The following LCMT2 variants were observed in gnomAD, a reference collection of about 807,000 sequenced individuals.
LCMT2 encodes leucine carboxyl methyltransferase 2, also known as tRNA wybutosine-synthesizing protein 4.
In LCMT2, 34 loss-of-function variants were observed where a neutral mutation model predicts 42.0. The observed-to-expected ratio is 0.81, with a 90% confidence interval of 0.62 to 1.08. The LOEUF (loss-of-function observed/expected upper bound fraction) is 1.08, where lower values mean the gene tolerates loss of function less well. LCMT2 is among the 50% of genes least tolerant of loss of function. LCMT2 has a pLI of 0.00. For missense variants in LCMT2, 1,091 were observed against 889.4 expected, an observed-to-expected ratio of 1.23 and a Z score of -2.88; for synonymous variants, 445 against 369.5, an observed-to-expected ratio of 1.20 and a Z score of -2.34.
At position 43,326,977 on chromosome 15, in the gene LCMT2, A is replaced by G. The variant is rs193300339; in HGVS notation, c.*1452T>C. On this transcript the variant is annotated 3_prime_UTR_variant, in exon 1 of 1. Transcript: ENST00000305641. ...CTAAGAAGAAATACTAAAGTAATAC[A>G]CTTATTACCACCAAAGCCACTACAT... 29 of 152,358 alleles carry G rather than the reference A, an allele frequency of 1.9e-4. No individual in the cohort carries two copies. Among genetic ancestry groups the G allele is most frequent in the African/African-American group, 7.0e-4 (29 of 41,572 alleles). 9.4% of individuals were successfully genotyped at this position (152,358 alleles called of 1,614,324 possible). A position where few individuals can be genotyped will look rare whatever the true frequency, so the allele number is the denominator to read the frequency against.
chr15:43,325,426 A>G lies in LCMT2; in HGVS notation c.*3003T>C, dbSNP rs1019528891. On this transcript the variant is annotated 3_prime_UTR_variant, in exon 1 of 1. Transcript: ENST00000305641. The stretch of plus-strand genomic sequence containing the variant: ...TAGTCTATATTGAATGCTGCTCCAA[A>G]GGCACAGGGTAAATATTGCTGACAA... The G allele has an allele frequency of 6.6e-6, 1 of 152,232 alleles. No homozygotes were observed. The highest frequency in any genetic ancestry group is 2.4e-5 in the African/African-American group (1 of 41,460). 9.4% of individuals were successfully genotyped at this position (152,232 alleles called of 1,614,324 possible). A position where few individuals can be genotyped will look rare whatever the true frequency, so the allele number is the denominator to read the frequency against.
Position 43,324,269 on chromosome 15 carries a change from A to G in LCMT2, c.*4160T>C, listed in dbSNP as rs1392774123. 8 of 152,154 alleles carry G rather than the reference A, an allele frequency of 5.3e-5. No homozygotes were observed. Among genetic ancestry groups the G allele is most frequent in the Non-Finnish European group, 8.8e-5 (6 of 68,038 alleles). The allele number at this position is 152,154 out of a possible 1,614,324, so 9.4% of individuals were successfully genotyped here. ...CACCCCTTCCTTCATTACTGAAGTT[A>G]AAAGGCTTAATCTTAAAGTCAAACT... On this transcript the variant is annotated 3_prime_UTR_variant, in exon 1 of 1. Coordinates refer to ENST00000305641, the MANE Select transcript of LCMT2 (RefSeq NM_014793.5).
rs998190363 is a variant in LCMT2, at chr15:43,326,749, C to G, written c.*1680G>C. 1 of 152,184 alleles carries G rather than the reference C, an allele frequency of 6.6e-6. No homozygotes were observed. Among genetic ancestry groups the G allele is most frequent in the Non-Finnish European group, 1.5e-5 (1 of 68,040 alleles). 9.4% of individuals were successfully genotyped at this position (152,184 alleles called of 1,614,324 possible). ...CAACCCTCATTCAGCTGGTCTCCCC[C>G]GGGGAGGCTTCATCTAACAGAGCCA... is the stretch of plus-strand genomic sequence containing the variant. On this transcript the variant is annotated 3_prime_UTR_variant, in exon 1 of 1. Coordinates refer to ENST00000305641, the MANE Select transcript of LCMT2 (RefSeq NM_014793.5).
chr15:43,327,787 A>G lies in LCMT2; in HGVS notation c.*642T>C, dbSNP rs1001798952. The G allele has an allele frequency of 6.5e-6, 1 of 152,936 alleles. No individual in the cohort carries two copies. The highest frequency in any genetic ancestry group is 2.1e-4 in the South Asian group (1 of 4,864). 9.5% of individuals were successfully genotyped at this position (152,936 alleles called of 1,614,324 possible). A position where few individuals can be genotyped will look rare whatever the true frequency, so the allele number is the denominator to read the frequency against. On this transcript the variant is annotated 3_prime_UTR_variant, in exon 1 of 1. Coordinates refer to ENST00000305641, the MANE Select transcript of LCMT2 (RefSeq NM_014793.5). ...CCGTGCAAAATGAATTGAGGCATCA[A>G]AAGTTTGCTTTATTGACACTTATAA...
At position 43,329,223 on chromosome 15, in the gene LCMT2, T is replaced by C. The variant is rs773753275; in HGVS notation, c.1267A>G (p.Thr423Ala). The stretch of plus-strand genomic sequence containing the variant: ...AGAACCCGACTCTCTGAGAGTCTTG[T>C]CATGGTGTGATAAAGGCGTCCATCC... The part of the protein sequence containing the change: ...QWDGRLYHTM[T>A]RLSESRVLVL... The change falls in exon 1 of 1, where the codon ACA becomes GCA. Residue 423 changes from threonine to alanine, a missense_variant. Transcript: ENST00000305641. 6.2e-7 allele frequency: 1 copy of C among 1,614,002 alleles called. No homozygotes were observed. The highest frequency in any genetic ancestry group is 8.5e-7 in the Non-Finnish European group (1 of 1,180,028).
At position 43,329,918 on chromosome 15, in the gene LCMT2, A is replaced by G; in HGVS notation, c.572T>C (p.Leu191Pro). ...GGCACTCTCCGGCTCGAGGTAGGTC[A>G]GCACCGCCTCGGCCAGGAGCAGAGT... ...SPTLLLAEAVLTYLEPESAAA... is the reference protein window; with the variant it reads ...SPTLLLAEAVPTYLEPESAAA... The change falls in exon 1 of 1, where the codon CTG becomes CCG. Residue 191 changes from leucine to proline, a missense_variant. Physicochemically the swap from Leu to Pro is moderately conservative, Grantham distance 98. Coordinates refer to ENST00000305641, the MANE Select transcript of LCMT2 (RefSeq NM_014793.5). The G allele has an allele frequency of 6.2e-7, 1 of 1,612,942 alleles. No homozygotes were observed. Among genetic ancestry groups the G allele is most frequent in the Non-Finnish European group, 8.5e-7 (1 of 1,179,850 alleles).
Position 43,328,708 on chromosome 15 carries a change from G to C in LCMT2, c.1782C>G (p.Leu594=), listed in dbSNP as rs764921753. The C allele has an allele frequency of 6.2e-7, 1 of 1,614,024 alleles. No individual in the cohort carries two copies. Among genetic ancestry groups the C allele is most frequent in the Non-Finnish European group, 8.5e-7 (1 of 1,180,040 alleles). Residue 594 remains leucine, a synonymous_variant, in exon 1 of 1, where the codon CTC becomes CTG. Coordinates refer to ENST00000305641, the MANE Select transcript of LCMT2 (RefSeq NM_014793.5). The part of the protein sequence containing the change: ...TPRYSHTAHV[L]NGKLLLVGGI... The stretch of plus-strand genomic sequence containing the variant: ...CTCCAACCAGTAACAGCTTTCCATT[G>C]AGCACATGAGCTGTGTGGGAGTACC...
In LCMT2 at chr15:43,329,116, G is replaced by A. The variant is rs376403610; in HGVS notation, c.1374C>T (p.Asn458=). ...TTATTGTCACTTTCAGGTCCTCAGT[G>A]TTATTATCCTCACTCTTAAAAAAAT... ...QLHFFKSEDN[N]TEDLKVTITK... Residue 458 remains asparagine, a synonymous_variant, in exon 1 of 1, where the codon AAC becomes AAT. Transcript: ENST00000305641. 22 of 1,613,916 alleles carry A rather than the reference G, an allele frequency of 1.4e-5. No individual in the cohort carries two copies. Among genetic ancestry groups the A allele is most frequent in the Non-Finnish European group, 1.8e-5 (21 of 1,180,038 alleles).
In LCMT2 at chr15:43,330,024, A is replaced by C; in HGVS notation, c.466T>G (p.Cys156Gly). The C allele has an allele frequency of 6.2e-7, 1 of 1,612,680 alleles. No individual in the cohort carries two copies. Among genetic ancestry groups the C allele is most frequent in the Non-Finnish European group, 8.5e-7 (1 of 1,179,934 alleles). ...TGCCGCAAGTCCAGACCCAGGATGC[A>C]GTAGTCTGCGCTCTCAAAGCACAGC... is the stretch of plus-strand genomic sequence containing the variant. ...SALCFESADYCILGLDLRQLQ... is the reference protein window; with the variant it reads ...SALCFESADYGILGLDLRQLQ... Residue 156 changes from cysteine to glycine, a missense_variant, in exon 1 of 1, where the codon TGC becomes GGC. Cys to Gly is a radical substitution (Grantham distance 159). Transcript: ENST00000305641.
Position 43,329,197 on chromosome 15 carries a change from C to G in LCMT2, c.1293G>C (p.Leu431=), listed in dbSNP as rs1394121867. ...CTGGGGACAGTCTCCCTCCCAGAAC[C>G]AGAACCCGACTCTCTGAGAGTCTTG... The part of the protein sequence containing the change: ...TMTRLSESRV[L]VLGGRLSPVS... The change falls in exon 1 of 1, where the codon CTG becomes CTC. Residue 431 remains leucine, a synonymous_variant. Coordinates refer to ENST00000305641, the MANE Select transcript of LCMT2 (RefSeq NM_014793.5). 2 of 1,613,968 alleles carry G rather than the reference C, an allele frequency of 1.2e-6. No individual in the cohort carries two copies.
At position 43,328,512 on chromosome 15, in the gene LCMT2, C is replaced by G. The variant is rs1247920983; in HGVS notation, c.1978G>C (p.Gly660Arg). Residue 660 changes from glycine to arginine, a missense_variant, in exon 1 of 1, where the codon GGT (glycine) becomes CGT (arginine). Transcript: ENST00000305641. ...EEQQLLLLGG[G>R]GNCFSFGTYF... ...GTACCAAAGGAAAAGCAGTTCCCACCACCTCCAAGGAGCAGGAGCTGTTGC... is the reference window on the plus strand; with the variant it reads ...GTACCAAAGGAAAAGCAGTTCCCACGACCTCCAAGGAGCAGGAGCTGTTGC... 3 of 1,614,078 alleles carry G rather than the reference C, an allele frequency of 1.9e-6. No homozygotes were observed. Among genetic ancestry groups the G allele is most frequent in the Admixed American group, 1.7e-5 (1 of 60,008 alleles).
At position 43,330,158 on chromosome 15, in the gene LCMT2, C is replaced by T. The variant is rs1231689217; in HGVS notation, c.332G>A (p.Trp111Ter). 9 of 1,611,764 alleles carry T rather than the reference C, an allele frequency of 5.6e-6. No homozygotes were observed. Among genetic ancestry groups the T allele is most frequent in the Non-Finnish European group, 6.8e-6 (8 of 1,179,884 alleles). Residue 111 changes from tryptophan to a stop codon, truncating the protein, a stop_gained, in exon 1 of 1, where the codon TGG becomes TAG. Transcript: ENST00000305641. LOFTEE classifies it high-confidence loss of function. ...CGCCACGTCCGGAAAATCCACCTCCCAGACTGCAGCCCGGGCCAGGCGGCC... is the reference window on the plus strand; with the variant it reads ...CGCCACGTCCGGAAAATCCACCTCCTAGACTGCAGCCCGGGCCAGGCGGCC... ...TAGRLARAAVWEVDFPDVARR... is the reference protein window; with the variant it reads ...TAGRLARAAV
chr15:43,329,351 T>C lies in LCMT2; in HGVS notation c.1139A>G (p.Glu380Gly). 6.2e-7 allele frequency: 1 copy of C among 1,614,106 alleles called. No individual in the cohort carries two copies. Among genetic ancestry groups the C allele is most frequent in the Non-Finnish European group, 8.5e-7 (1 of 1,180,026 alleles). ...CTGGCTCACTCGGCAGTGCCGCCCC[T>C]CCTGCTCTCCAAATCCTCCTGCACT... ...ILSAGGFGEQ[E>G]GRHCRVSQFH... Residue 380 changes from glutamate to glycine, a missense_variant, in exon 1 of 1, where the codon GAG (glutamate) becomes GGG (glycine). By Grantham distance (98) the Glu-to-Gly change is moderately conservative. Transcript: ENST00000305641.
chr15:43,330,394 G>T lies in LCMT2; in HGVS notation c.96C>A (p.Tyr32Ter), dbSNP rs757427526. 1 of 1,578,152 alleles carries T rather than the reference G, an allele frequency of 6.3e-7. No individual in the cohort carries two copies. The highest frequency in any genetic ancestry group is 8.6e-7 in the Non-Finnish European group (1 of 1,168,688). ...GCAACGCGGCAAAGGGGTCCTGCAC[G>T]TACCCGCGCGCGGCCAGGGAACGCT... ...LSKRSLAARG[Y>*]VQDPFAALLV... is the part of the protein sequence containing the mutation. The change falls in exon 1 of 1, where the codon TAC becomes TAA. Residue 32 changes from tyrosine (Y) to a stop codon, truncating the protein, a stop_gained. Coordinates refer to ENST00000305641, the MANE Select transcript of LCMT2 (RefSeq NM_014793.5). LOFTEE classifies it low-confidence loss of function (END_TRUNC).
Position 43,328,917 on chromosome 15 carries a change from G to A in LCMT2, c.1573C>T (p.Pro525Ser). Residue 525 changes from proline to serine, a missense_variant, in exon 1 of 1, where the codon CCA becomes TCA. Pro to Ser is a moderately conservative substitution (Grantham distance 74). Coordinates refer to ENST00000305641, the MANE Select transcript of LCMT2 (RefSeq NM_014793.5). The part of the protein sequence containing the change: ...HVGTMAWVRI[P>S]VEGEVPEARH... ...GCTTCAGGTACTTCTCCCTCCACTG[G>A]GATCCTGACCCAAGCCATTGTCCCT... 1 of 1,614,040 alleles carries A rather than the reference G, an allele frequency of 6.2e-7. No homozygotes were observed.
Position 43,328,217 on chromosome 15 carries a change from T to G in LCMT2, c.*212A>C. The G allele has an allele frequency of 1.8e-6, 1 of 564,046 alleles. No homozygotes were observed. Among genetic ancestry groups the G allele is most frequent in the South Asian group, 2.4e-5 (1 of 42,216 alleles). 34.9% of individuals were successfully genotyped at this position (564,046 alleles called of 1,614,324 possible). A position where few individuals can be genotyped will look rare whatever the true frequency, so the allele number is the denominator to read the frequency against. ...AGGCAGACCACTACTCCTCTCGGAC[T>G]GCATGGCCACTGTCTTCAGCTGTTT... On this transcript the variant is annotated 3_prime_UTR_variant, in exon 1 of 1. Transcript: ENST00000305641.
Position 43,329,879 on chromosome 15 carries a change from G to C in LCMT2, c.611C>G (p.Ala204Gly). 6.2e-7 allele frequency: 1 copy of C among 1,613,464 alleles called. No individual in the cohort carries two copies. The highest frequency in any genetic ancestry group is 8.5e-7 in the Non-Finnish European group (1 of 1,179,900). The change falls in exon 1 of 1, where the codon GCC becomes GGC. Residue 204 changes from alanine (A) to glycine (G), a missense_variant. By Grantham distance (60) the Ala-to-Gly change is moderately conservative. Transcript: ENST00000305641. ...ATTAGGAAAACGCTGGGCTGCCCAGGCGATGAGGGCCGCGGCACTCTCCGG... is the reference window on the plus strand; with the variant it reads ...ATTAGGAAAACGCTGGGCTGCCCAGCCGATGAGGGCCGCGGCACTCTCCGG... ...LEPESAAALI[A>G]WAAQRFPNAL...
In LCMT2 at chr15:43,329,703, A is replaced by T. The variant is rs773054188; in HGVS notation, c.787T>A (p.Trp263Arg). 1.9e-6 allele frequency: 3 copies of T among 1,613,500 alleles called. No homozygotes were observed. The East Asian group carries it at 6.7e-5, about 36-fold the overall frequency. ...ATGTCCACGGCACCGCAGGCGGTCC[A>T]GCCAGCTTGAAGGAAGCGGCGCCGC... ...AQRRRFLQAG[W>R]TACGAVDMNE... is the part of the protein sequence containing the mutation. Residue 263 changes from tryptophan (W) to arginine (R), a missense_variant, in exon 1 of 1, where the codon TGG (tryptophan) becomes AGG (arginine). Coordinates refer to ENST00000305641, the MANE Select transcript of LCMT2 (RefSeq NM_014793.5).
At position 43,328,950 on chromosome 15, in the gene LCMT2, G is replaced by A. The variant is rs1158626158; in HGVS notation, c.1540C>T (p.Leu514Phe). 2.5e-6 allele frequency: 4 copies of A among 1,614,174 alleles called. No homozygotes were observed. The highest frequency in any genetic ancestry group is 2.7e-5 in the African/African-American group (2 of 75,026). ...VEPVLSDWHFLHVGTMAWVRI... is the reference protein window; with the variant it reads ...VEPVLSDWHFFHVGTMAWVRI... ...ACCCAAGCCATTGTCCCTACATGGA[G>A]GAAATGCCAGTCACTTAGTACAGGT... is the stretch of plus-strand genomic sequence containing the variant. Residue 514 changes from leucine to phenylalanine, a missense_variant, in exon 1 of 1, where the codon CTC becomes TTC. Transcript: ENST00000305641.
Sources: gnomAD v4.1 joint callset for allele counts on GRCh38, gnomAD v4.1.1 for gene constraint, MANE v1.5 for transcripts, NCBI Gene and HGNC (gene_info 2026-07-23, HGNC 2026-07-21) for gene names.